MCC: variants seen among roughly 807,000 people sequenced by gnomAD.
MCC encodes colorectal mutant cancer protein.
MCC carries 90 observed loss-of-function variants against 116.2 expected under a neutral mutation model. The ratio of observed to expected loss-of-function variants is 0.77; its 90% confidence interval spans 0.65 to 0.92. The LOEUF (loss-of-function observed/expected upper bound fraction) is 0.92, where lower values mean the gene tolerates loss of function less well. MCC is among the 40% of genes least tolerant of loss of function. The pLI is 0.00. For missense variants in MCC, 1,516 were observed against 1,312.2 expected, an observed-to-expected ratio of 1.16 and a Z score of -2.40; for synonymous variants, 578 against 510.5, an observed-to-expected ratio of 1.13 and a Z score of -1.78.
chr5:113,200,188 G>A (rs951466589), intron 3 of MCC, among the ~76,000 whole-genome samples: 7 of 152,192 alleles, frequency 4.6e-5, no homozygotes, highest in African/African-American at 1.4e-4. Flanking sequence ...ACCACAGAAG[G>A]AAGGGATTTC....
intron 3 of MCC, among the ~76,000 whole-genome samples, chr5:113,198,975 C>T (rs919175873): frequency 6.6e-6 from 1 of 151,858 alleles, no homozygotes; most frequent in African/African-American, 2.4e-5. Context: ...CCGAGGTGGG[C>T]GGATCACCTG....
intron 3 of MCC, among the ~76,000 whole-genome samples, chr5:113,175,958 T>A (rs558919613): frequency 1.3e-5 from 2 of 152,108 alleles, no homozygotes; most frequent in African/African-American, 2.4e-5. Flanking sequence ...CTACCCCCTA[T>A]GTACTGTACC....
At chr5:113,187,151 G>GCC (rs1761933101) in intron 3 of MCC, among the ~76,000 whole-genome samples, 1 of 152,068 alleles carries the variant, frequency 6.6e-6, no homozygotes, top group Non-Finnish European at 1.5e-5. Context: ...CTCCTCATAT[G>GCC]CCCCATCACT....
chr5:113,056,129 C>T (rs1752818924), intron 14 of MCC, among the ~76,000 whole-genome samples: 1 of 152,186 alleles, frequency 6.6e-6, no homozygotes, highest in Non-Finnish European at 1.5e-5. Context: ...CCTATTGGTT[C>T]TGATTCTCTG....
intron 1 of MCC, among the ~76,000 whole-genome samples, chr5:113,472,493 T>C (rs1772121274): frequency 6.6e-6 from 1 of 152,226 alleles, no homozygotes; most frequent in Admixed American, 6.5e-5. Flanking sequence ...AGGTCACAAG[T>C]TATAATATAT....
In MCC at chr5:113,434,249, G is replaced by A. The variant is rs201017099; in HGVS notation, c.171-49037C>T. 4.4e-4 allele frequency: 706 copies of A among 1,613,944 alleles called. 1 individual carries two copies. Among genetic ancestry groups the A allele is most frequent in the Non-Finnish European group, 5.4e-4 (639 of 1,179,934 alleles). On this transcript the variant is annotated intron_variant, in intron 1 of 18. Coordinates refer to ENST00000408903, the MANE Select transcript of MCC (RefSeq NM_001085377.2). The surrounding 1 kb of genome is among the most constrained non-coding windows in gnomAD (Gnocchi z 4.2). ...GGATCACGCCTAGGCTCCAGATGTCGTACACCTTGGGCTGGTAGGGAATGC... is the reference window on the plus strand; with the variant it reads ...GGATCACGCCTAGGCTCCAGATGTCATACACCTTGGGCTGGTAGGGAATGC...
At position 113,183,349 on chromosome 5, in the gene MCC, G is replaced by A. The variant is rs549662192; in HGVS notation, c.628-31927C>T. On this transcript the variant is annotated intron_variant, in intron 3 of 18. Coordinates refer to ENST00000408903, the MANE Select transcript of MCC (RefSeq NM_001085377.2). ...CTCTAAATTTTAGCTTTTTCAATATGTGCAACTTAATTCAAATCTATCTTT... is the reference window on the plus strand; with the variant it reads ...CTCTAAATTTTAGCTTTTTCAATATATGCAACTTAATTCAAATCTATCTTT... Among the ~76,000 whole-genome samples, 4 of 152,310 alleles carry A rather than the reference G, an allele frequency of 2.6e-5. No individual in the cohort carries two copies. In the East Asian group the frequency reaches 7.7e-4, roughly 29 times the overall value.
chr5:113,068,090 C>A lies in MCC; in HGVS notation c.2019G>T (p.Gly673=), dbSNP rs755383304. Reference sequence around the variant, plus strand: ...TCTGGAGACACTTACCAGGGGAGGACCCCACGCCCGCCGCTCGGAACTGCC... The same window carrying A: ...TCTGGAGACACTTACCAGGGGAGGAACCCACGCCCGCCGCTCGGAACTGCC... The part of the protein sequence containing the change: ...ILGQFRAAGV[G]SSPGDQSGDE... The change falls in exon 13 of 19, where the codon GGG becomes GGT. Residue 673 remains glycine (G), a synonymous_variant. Coordinates refer to ENST00000408903, the MANE Select transcript of MCC (RefSeq NM_001085377.2). 5 of 1,613,878 alleles carry A rather than the reference C, an allele frequency of 3.1e-6. No individual in the cohort carries two copies. The highest frequency in any genetic ancestry group is 4.2e-6 in the Non-Finnish European group (5 of 1,179,904).
intron 3 of MCC, among the ~76,000 whole-genome samples, chr5:113,336,378 C>T (rs1299465351): frequency 2.0e-5 from 3 of 151,720 alleles, no homozygotes; most frequent in East Asian, 3.8e-4. Flanking sequence ...ACTAAATCTC[C>T]TCCTTCAGCT....
chr5:113,451,566 C>G (rs540514520), intron 1 of MCC, among the ~76,000 whole-genome samples: 1 of 152,296 alleles, frequency 6.6e-6, no homozygotes, highest in African/African-American at 2.4e-5. Context: ...GAGACCTCGT[C>G]TCTACTAAAA....
intron 3 of MCC, among the ~76,000 whole-genome samples, chr5:113,254,923 G>T (rs898143508): frequency 5.9e-5 from 9 of 152,132 alleles, no homozygotes; most frequent in African/African-American, 2.2e-4. Context: ...CCAGCACTTT[G>T]GGAGGCCGAG....
intron 15 of MCC, among the ~76,000 whole-genome samples, chr5:113,051,109 C>G (rs1412574673): frequency 6.6e-6 from 1 of 152,194 alleles, no homozygotes; most frequent in African/African-American, 2.4e-5. Flanking sequence ...TTAATAACAA[C>G]TAGTCCTAAA....
intron 2 of MCC, among the ~76,000 whole-genome samples, chr5:113,376,476 A>C (rs1162580342): frequency 6.6e-6 from 1 of 152,180 alleles, no homozygotes; most frequent in East Asian, 1.9e-4. Flanking sequence ...ATGAAAACAC[A>C]TTAAGAGACA....
At chr5:113,400,402 C>T (rs775478334) in intron 1 of MCC, among the ~76,000 whole-genome samples, 2 of 152,088 alleles carry the variant, frequency 1.3e-5, no homozygotes, top group African/African-American at 4.8e-5. Flanking sequence ...GGATTACAAG[C>T]GTGAGTCACC....
chr5:113,296,288 C>T (rs1479436224), intron 3 of MCC, among the ~76,000 whole-genome samples: 1 of 152,064 alleles, frequency 6.6e-6, no homozygotes, highest in Non-Finnish European at 1.5e-5. Context: ...AAGCACTGCC[C>T]CTGCCCTGAA....
intron 3 of MCC, among the ~76,000 whole-genome samples, chr5:113,279,752 T>C (rs1400016236): frequency 1.3e-5 from 2 of 152,228 alleles, no homozygotes; most frequent in Admixed American, 6.5e-5. Context: ...CAATGGACAA[T>C]ATACATTTAA....
At chr5:113,128,261 A>G (rs1758199582) in intron 5 of MCC, among the ~76,000 whole-genome samples, 1 of 152,226 alleles carries the variant, frequency 6.6e-6, no homozygotes, top group African/African-American at 2.4e-5. Context: ...CCAGATGGTC[A>G]TCTGCCTGCT....
chr5:113,478,603 C>T (rs190813849), intron 1 of MCC, among the ~76,000 whole-genome samples: 9 of 152,186 alleles, frequency 5.9e-5, no homozygotes, highest in South Asian at 2.1e-4. Flanking sequence ...TGCCATCAGA[C>T]ATGGAAGTCA....
At chr5:113,194,013 G>A (rs1762267020) in intron 3 of MCC, among the ~76,000 whole-genome samples, 1 of 152,106 alleles carries the variant, frequency 6.6e-6, no homozygotes, top group Admixed American at 6.5e-5. Context: ...ATGTTTACAG[G>A]TACCACTATT....
Sources: allele counts gnomAD v4.1 joint callset (sites outside exome capture counted in the v4.1 genomes callset), GRCh38; gene constraint gnomAD v4.1.1; non-coding constraint Gnocchi (gnomAD v3.1); transcripts MANE v1.5; gene names NCBI Gene and HGNC (gene_info 2026-07-23, HGNC 2026-07-21).